Variants in NMNAT2 observed in about 807,000 individuals in gnomAD.
NMNAT2 encodes nicotinamide/nicotinic acid mononucleotide adenylyltransferase 2.
In NMNAT2, 11 loss-of-function variants were observed where a neutral mutation model predicts 41.6. That is an observed-to-expected ratio of 0.26 (90% CI 0.17 to 0.44). NMNAT2 has a LOEUF of 0.44. Ranked by LOEUF, NMNAT2 falls within the 20% of genes least tolerant of loss-of-function variation. The pLI is 1.00. For synonymous variants in NMNAT2, 148 were observed against 151.2 expected, an observed-to-expected ratio of 0.98 and a Z score of 0.16; for missense variants, 288 against 407.7, an observed-to-expected ratio of 0.71 and a Z score of 2.53.
chr1:183,410,095 G>C, intron 1 of NMNAT2, among the ~76,000 whole-genome samples: 1 of 151,580 alleles, frequency 6.6e-6, no homozygotes, highest in Admixed American at 6.6e-5. Context: ...GATCACCTGA[G>C]GTCAGGAGTT....
intron 1 of NMNAT2, among the ~76,000 whole-genome samples, chr1:183,335,685 A>G (rs533944972): frequency 6.6e-6 from 1 of 152,320 alleles, no homozygotes; most frequent in Non-Finnish European, 1.5e-5. Flanking sequence ...GTGCTGCCAC[A>G]TTGCGCATAC....
chr1:183,402,548 C>G (rs1648839340), intron 1 of NMNAT2, among the ~76,000 whole-genome samples: 1 of 152,174 alleles, frequency 6.6e-6, no homozygotes, highest in Non-Finnish European at 1.5e-5. Context: ...AAACGCTGCT[C>G]TTGAATAAAC....
chr1:183,262,134 T>A lies in NMNAT2; in HGVS notation c.652-831A>T, dbSNP rs147665501. Among the ~76,000 whole-genome samples, 810 of 152,244 alleles carry A rather than the reference T, an allele frequency of 5.3e-3. 4 individuals carry two copies. Among genetic ancestry groups the A allele is most frequent in the Admixed American group, 0.013 (196 of 15,282 alleles). ...TTTGAAGAGATGGACTCTTGCTATG[T>A]TGCCCAGGCTGGTCTCAAACTCTGG... is the stretch of plus-strand genomic sequence containing the variant. On this transcript the variant is annotated intron_variant, in intron 8 of 10. Coordinates refer to ENST00000287713, the MANE Select transcript of NMNAT2 (RefSeq NM_015039.4).
At chr1:183,411,843 A>G (rs1056133616) in intron 1 of NMNAT2, among the ~76,000 whole-genome samples, 1 of 152,104 alleles carries the variant, frequency 6.6e-6, no homozygotes, top group Non-Finnish European at 1.5e-5. Context: ...TGTGAGGTGC[A>G]ATTTTAAATT....
rs943089186 is a variant in NMNAT2 at position 183,250,959 on chromosome 1, C to T, written c.*1682G>A. 2.0e-5 allele frequency: 3 copies of T among 152,276 alleles called. No homozygotes were observed. The highest frequency in any genetic ancestry group is 7.2e-5 in the African/African-American group (3 of 41,428). 9.4% of individuals were successfully genotyped at this position (152,276 alleles called of 1,614,324 possible). A position where few individuals can be genotyped will look rare whatever the true frequency, so the allele number is the denominator to read the frequency against. ...AGATTTTGATAAAAGTATCCTAATA[C>T]TCAGGGACTATTTCTCAAAGACCAG... On this transcript the variant is annotated 3_prime_UTR_variant, in exon 11 of 11. Coordinates refer to ENST00000287713, the MANE Select transcript of NMNAT2 (RefSeq NM_015039.4).
chr1:183,298,807 A>G (rs1225463754), intron 1 of NMNAT2, among the ~76,000 whole-genome samples: 2 of 152,234 alleles, frequency 1.3e-5, no homozygotes, highest in Non-Finnish European at 2.9e-5. Context: ...TATGTTATGG[A>G]TTGGAAGATG....
At chr1:183,263,295 TG>T (rs1242353886) in intron 8 of NMNAT2, among the ~76,000 whole-genome samples, 1 of 152,200 alleles carries the variant, frequency 6.6e-6, no homozygotes, top group Non-Finnish European at 1.5e-5. Flanking sequence ...CTGCATCTAT[TG>T]GTGGTGTTCA....
chr1:183,341,714 C>A (rs145029079), intron 1 of NMNAT2, among the ~76,000 whole-genome samples: 8 of 17,896 alleles, frequency 4.5e-4, no homozygotes, highest in East Asian at 6.0e-3. Context: ...AAAAGACAAA[C>A]AAACAAACAC....
chr1:183,332,690 C>T (rs1349371647), intron 1 of NMNAT2, among the ~76,000 whole-genome samples: 1 of 151,932 alleles, frequency 6.6e-6, no homozygotes, highest in Non-Finnish European at 1.5e-5. Context: ...TGACTGGCAA[C>T]ATGCTAGCCA....
At chr1:183,308,050 A>C (rs554311061) in intron 1 of NMNAT2, among the ~76,000 whole-genome samples, 1 of 152,256 alleles carries the variant, frequency 6.6e-6, no homozygotes, top group Non-Finnish European at 1.5e-5. Context: ...TCTCCAGGTT[A>C]TTGATTGAGC....
At chr1:183,321,217 C>T (rs1294048604) in intron 1 of NMNAT2, among the ~76,000 whole-genome samples, 1 of 152,126 alleles carries the variant, frequency 6.6e-6, no homozygotes, top group Admixed American at 6.5e-5. Flanking sequence ...CGTCTTTCCC[C>T]ACATACAAAA....
chr1:183,340,264 C>A (rs1254114082), intron 1 of NMNAT2, among the ~76,000 whole-genome samples: 1 of 152,048 alleles, frequency 6.6e-6, no homozygotes, highest in Non-Finnish European at 1.5e-5. Context: ...TGGTTAGTAC[C>A]CAGGTGGCAA....
At chr1:183,408,493 T>C (rs1348481833) in intron 1 of NMNAT2, among the ~76,000 whole-genome samples, 1 of 152,370 alleles carries the variant, frequency 6.6e-6, no homozygotes, top group South Asian at 2.1e-4. Flanking sequence ...TGTCCACATA[T>C]GGCCTGCAGG....
chr1:183,359,162 T>G (rs555574836), intron 1 of NMNAT2, among the ~76,000 whole-genome samples: 17 of 152,250 alleles, frequency 1.1e-4, no homozygotes, highest in African/African-American at 3.9e-4. Context: ...TTTTAATAAT[T>G]CTATCACATT....
intron 1 of NMNAT2, among the ~76,000 whole-genome samples, chr1:183,377,709 A>G (rs1269547929): frequency 1.3e-5 from 2 of 152,242 alleles, no homozygotes; most frequent in African/African-American, 4.8e-5. Context: ...GTTTTCAACA[A>G]TAACAACAAA....
intron 1 of NMNAT2, chr1:183,304,916 C>A: frequency 7.1e-7 from 1 of 1,399,398 alleles, no homozygotes; most frequent in Non-Finnish European, 9.4e-7. Context: ...ATGACCCTCC[C>A]TTCCATAACT....
At chr1:183,264,036 G>C (rs1660738143) in intron 8 of NMNAT2, among the ~76,000 whole-genome samples, 1 of 152,092 alleles carries the variant, frequency 6.6e-6, no homozygotes, top group South Asian at 2.1e-4. Context: ...GGACAGGAGA[G>C]AAGAAAGAAT....
intron 1 of NMNAT2, among the ~76,000 whole-genome samples, chr1:183,301,914 C>T (rs539631062): frequency 7.2e-5 from 11 of 152,204 alleles, no homozygotes; most frequent in Non-Finnish European, 1.5e-4. Flanking sequence ...TTTTCAGCTG[C>T]AATTAGAAAT....
At chr1:183,361,053 C>T (rs948795154) in intron 1 of NMNAT2, among the ~76,000 whole-genome samples, 17 of 152,214 alleles carry the variant, frequency 1.1e-4, no homozygotes, top group Non-Finnish European at 1.0e-4. Context: ...AGAGCTACCA[C>T]ACTGAGCATG....
Sources: gnomAD v4.1 joint callset for allele counts (sites outside exome capture counted in the v4.1 genomes callset) on GRCh38, gnomAD v4.1.1 for gene constraint, MANE v1.5 for transcripts, NCBI Gene and HGNC (gene_info 2026-07-23, HGNC 2026-07-21) for gene names.